ADAM12: variants seen among roughly 807,000 people sequenced by gnomAD.
ADAM12 encodes the protein disintegrin and metalloproteinase domain-containing protein 12.
In ADAM12, 70 loss-of-function variants were observed where a neutral mutation model predicts 106.4. That is an observed-to-expected ratio of 0.66 (90% CI 0.54 to 0.80). The LOEUF (loss-of-function observed/expected upper bound fraction) is 0.80, where lower values mean the gene tolerates loss of function less well. ADAM12 is among the 30% of genes least tolerant of loss of function. The pLI, the probability that ADAM12 is intolerant of heterozygous loss-of-function variation, is 0.00. For synonymous variants in ADAM12, 420 were observed against 433.5 expected (o/e 0.97, Z 0.39); for missense variants, 1,010 against 1,171.9 (o/e 0.86, Z 2.02).
At chr10:126,317,756 CATTTT>C (rs369297832) in intron 2 of ADAM12, among the ~76,000 whole-genome samples, 3 of 152,042 alleles carry the variant, frequency 2.0e-5, no homozygotes, top group African/African-American at 7.2e-5. Flanking sequence ...CCTTTTATAC[CATTTT>C]ATTTTATTAT....
At chr10:126,364,364 G>A (rs1049676239) in intron 1 of ADAM12, among the ~76,000 whole-genome samples, 1 of 151,978 alleles carries the variant, frequency 6.6e-6, no homozygotes, top group African/African-American at 2.4e-5. Flanking sequence ...GGAAATAAAT[G>A]TTAGAAAAGA....
intron 3 of ADAM12, among the ~76,000 whole-genome samples, chr10:126,164,549 C>T (rs970578491): frequency 2.6e-5 from 4 of 152,080 alleles, no homozygotes; most frequent in African/African-American, 9.7e-5. Context: ...GACTAAGGGC[C>T]AAGAGCTTTA....
Position 126,013,125 on chromosome 10 carries a change from G to T in ADAM12, c.*4154C>A, listed in dbSNP as rs1953598108. The T allele has an allele frequency of 1.3e-5, 2 of 152,148 alleles. No individual in the cohort carries two copies. The highest frequency in any genetic ancestry group is 3.8e-4 in the East Asian group (2 of 5,196). The allele number at this position is 152,148 out of a possible 1,614,324, so 9.4% of individuals were successfully genotyped here. On this transcript the variant is annotated 3_prime_UTR_variant, in exon 23 of 23. Coordinates refer to ENST00000448723, the MANE Select transcript of ADAM12 (RefSeq NM_001288973.2). The surrounding 1 kb of genome is among the most constrained non-coding windows in gnomAD (Gnocchi z 4.3). ...TATTGGATATTTTAACAATTTTATA[G>T]TTATTCTTAATTTTTCTCATATGAA...
At position 126,017,106 on chromosome 10, in the gene ADAM12, G is replaced by T; in HGVS notation, c.*173C>A. The T allele has an allele frequency of 1.8e-6, 1 of 570,822 alleles. No homozygotes were observed. The highest frequency in any genetic ancestry group is 3.1e-6 in the Non-Finnish European group (1 of 322,594). 35.4% of individuals were successfully genotyped at this position (570,822 alleles called of 1,614,324 possible). ...TAATAATTTACAAGTACCTGAGCAA[G>T]TAGACAGAGCACCATAGCACAGCAC... On this transcript the variant is annotated 3_prime_UTR_variant, in exon 23 of 23. Coordinates refer to ENST00000448723, the MANE Select transcript of ADAM12 (RefSeq NM_001288973.2).
intron 3 of ADAM12, among the ~76,000 whole-genome samples, chr10:126,243,841 C>T (rs1037912628): frequency 6.6e-6 from 1 of 152,130 alleles, no homozygotes; most frequent in East Asian, 1.9e-4. Context: ...TTCTGATTGT[C>T]GTGGGATGGC....
At chr10:126,099,285 T>C (rs1272485314) in intron 9 of ADAM12, among the ~76,000 whole-genome samples, 1 of 152,214 alleles carries the variant, frequency 6.6e-6, no homozygotes, top group African/African-American at 2.4e-5. Flanking sequence ...TACAGATATA[T>C]TGTTTGAAAA....
At chr10:126,309,682 A>G (rs935967758) in intron 2 of ADAM12, among the ~76,000 whole-genome samples, 2 of 152,204 alleles carry the variant, frequency 1.3e-5, no homozygotes, top group Non-Finnish European at 2.9e-5. Context: ...GCAAATATGG[A>G]CATCAATAAG....
chr10:126,227,274 A>G (rs1375567095), intron 3 of ADAM12, among the ~76,000 whole-genome samples: 1 of 152,074 alleles, frequency 6.6e-6, no homozygotes, highest in Non-Finnish European at 1.5e-5. Flanking sequence ...CATTACCATC[A>G]TCATCGTCAC....
At chr10:126,242,120 C>T (rs1018546705) in intron 3 of ADAM12, among the ~76,000 whole-genome samples, 4 of 152,078 alleles carry the variant, frequency 2.6e-5, no homozygotes, top group Non-Finnish European at 5.9e-5. Flanking sequence ...CAAATTTTTA[C>T]AATTCTGATA....
intron 4 of ADAM12, among the ~76,000 whole-genome samples, chr10:126,152,418 T>G (rs1055103367): frequency 3.3e-5 from 5 of 152,064 alleles, no homozygotes; most frequent in Admixed American, 6.5e-5. Flanking sequence ...TGAGACAATT[T>G]TGCTAGCATA....
chr10:126,102,675 A>T (rs2133583463), intron 8 of ADAM12, among the ~76,000 whole-genome samples: 1 of 152,340 alleles, frequency 6.6e-6, no homozygotes, highest in South Asian at 2.1e-4. Flanking sequence ...GGTTTCAAAC[A>T]GATCACAATT....
intron 2 of ADAM12, among the ~76,000 whole-genome samples, chr10:126,287,870 C>T (rs538854609): frequency 2.0e-5 from 3 of 152,048 alleles, no homozygotes; most frequent in African/African-American, 2.4e-5. Flanking sequence ...CTATCTCCCT[C>T]GGCAAAATAG....
chr10:126,206,865 G>GGT lies in ADAM12; in HGVS notation c.261-51561_261-51560insAC, dbSNP rs1554986910. On this transcript the variant is annotated intron_variant, in intron 3 of 22. Coordinates refer to ENST00000448723, the MANE Select transcript of ADAM12 (RefSeq NM_001288973.2). The stretch of plus-strand genomic sequence containing the variant: ...ATTCCCATGTGTTGTGGGGGCGGGG[G>GGT]GGAGCCAGTGGGAGGTAATTGAATC... Among the ~76,000 whole-genome samples the GGT allele has an allele frequency of 2.8e-5, 4 of 144,416 alleles. 1 individual carries two copies. Among genetic ancestry groups the GGT allele is most frequent in the Non-Finnish European group, 6.2e-5 (4 of 64,514 alleles). 94.7% of individuals were successfully genotyped at this position (144,416 alleles called of 152,430 possible). A position where few individuals can be genotyped will look rare whatever the true frequency, so the allele number is the denominator to read the frequency against.
chr10:126,206,860 C>CGGGGGGGG (rs907511503), intron 3 of ADAM12, among the ~76,000 whole-genome samples: 3 of 97,832 alleles, frequency 3.1e-5, no homozygotes, highest in Non-Finnish European at 4.2e-5. Context: ...GTTGTGGGGG[C>CGGGGGGGG]GGGGGGGAGC....
At position 126,064,870 on chromosome 10, in the gene ADAM12, G is replaced by T; in HGVS notation, c.1545C>A (p.Asp515Glu). 1 of 1,612,638 alleles carries T rather than the reference G, an allele frequency of 6.2e-7. No homozygotes were observed. Among genetic ancestry groups the T allele is most frequent in the Non-Finnish European group, 8.5e-7 (1 of 1,179,440 alleles). Residue 515 changes from aspartate (D) to glutamate (E), a missense_variant, in exon 14 of 23, where the codon GAC becomes GAA. Coordinates refer to ENST00000448723, the MANE Select transcript of ADAM12 (RefSeq NM_001288973.2). This position sits in a 1 kb window ranked among gnomAD's most constrained non-coding sequence, Gnocchi z 4.4. ...GGCAGATGCCATTGTAGCAGTAGCCGTCCACATCCTGACATGAGTGCCCAT... is the reference window on the plus strand; with the variant it reads ...GGCAGATGCCATTGTAGCAGTAGCCTTCCACATCCTGACATGAGTGCCCAT... ...LHDGHSCQDV[D>E]GYCYNGICQT...
rs1363715046 is a variant in ADAM12 at position 126,017,338 on chromosome 10, G to C, written c.2662C>G (p.Pro888Ala). 6.3e-7 allele frequency: 1 copy of C among 1,581,764 alleles called. No homozygotes were observed. The highest frequency in any genetic ancestry group is 1.8e-5 in the Admixed American group (1 of 54,876). Residue 888 changes from proline (P) to alanine (A), a missense_variant and splice_region_variant, in exon 23 of 23, where the codon CCT becomes GCT. Pro to Ala is a conservative substitution (Grantham distance 27). Transcript: ENST00000448723. ...ETGLRLAPLR[P>A]APQYPHQVPR... is the part of the protein sequence containing the mutation. ...ACTTGGTGTGGATATTGTGGAGCAG[G>C]TCTGAATGAAGAGAGGAGAAAAAAA...
intron 3 of ADAM12, among the ~76,000 whole-genome samples, chr10:126,209,956 G>A (rs1957869449): frequency 6.6e-6 from 1 of 152,186 alleles, no homozygotes; most frequent in Non-Finnish European, 1.5e-5. Flanking sequence ...CTCCTCATGT[G>A]TAACTTATTC....
chr10:126,049,751 C>A lies in ADAM12; in HGVS notation c.1610-82G>T. The A allele has an allele frequency of 8.1e-7, 1 of 1,229,266 alleles. No individual in the cohort carries two copies. The highest frequency in any genetic ancestry group is 1.2e-6 in the Non-Finnish European group (1 of 864,836). The allele number at this position is 1,229,266 out of a possible 1,614,324, so 76.1% of individuals were successfully genotyped here. The stretch of plus-strand genomic sequence containing the variant: ...TGGCTGTAGGCCTCTCAAATGGTTA[C>A]GGGGAGACGTGCTCAAAGCAATCAC... On this transcript the variant is annotated intron_variant, in intron 14 of 22. Coordinates refer to ENST00000448723, the MANE Select transcript of ADAM12 (RefSeq NM_001288973.2). This position sits in a 1 kb window ranked among gnomAD's most constrained non-coding sequence, Gnocchi z 4.4.
At chr10:126,169,292 C>T (rs774356828) in intron 3 of ADAM12, among the ~76,000 whole-genome samples, 3 of 152,200 alleles carry the variant, frequency 2.0e-5, no homozygotes, top group Admixed American at 1.3e-4. Context: ...TTCCTAAATG[C>T]GGTTCTCCTT....
Sources: gnomAD v4.1 joint callset for allele counts (sites outside exome capture counted in the v4.1 genomes callset) on GRCh38, gnomAD v4.1.1 for gene constraint, Gnocchi (gnomAD v3.1) non-coding constraint, MANE v1.5 for transcripts, NCBI Gene and HGNC (gene_info 2026-07-23, HGNC 2026-07-21) for gene names.